Variants in TENM2 observed in about 807,000 individuals in gnomAD.
TENM2 encodes the protein teneurin-2.
A neutral mutation model predicts 245.2 loss-of-function variants in TENM2; 52 were observed. That is an observed-to-expected ratio of 0.21 (90% CI 0.17 to 0.27). TENM2 has a LOEUF of 0.27. Among genes scored for constraint, TENM2 ranks in the 10% least tolerant of loss-of-function variants. The pLI, the probability that TENM2 is intolerant of heterozygous loss-of-function variation, is 1.00. For synonymous variants in TENM2, 1,363 were observed against 1,438.9 expected, an observed-to-expected ratio of 0.95 and a Z score of 1.19; for missense variants, 3,046 against 3,666.8, an observed-to-expected ratio of 0.83 and a Z score of 4.37.
intron 2 of TENM2, among the ~76,000 whole-genome samples, chr5:167,736,664 C>T (rs922637489): frequency 1.1e-4 from 17 of 149,374 alleles, no homozygotes; most frequent in Non-Finnish European, 1.9e-4. Context: ...CACCTAGGAC[C>T]TCCACAGAAG....
the TENM2 span, among the ~76,000 whole-genome samples, chr5:167,179,444 A>G: frequency 5.4e-4 from 82 of 152,290 alleles, no homozygotes; most frequent in Non-Finnish European, 7.8e-4. Flanking sequence ...TAAGTAATTT[A>G]TCAGCTACAT....
chr5:166,991,736 A>G, the TENM2 span, among the ~76,000 whole-genome samples: 1 of 152,212 alleles, frequency 6.6e-6, no homozygotes, highest in African/African-American at 2.4e-5. Flanking sequence ...TAAATTTTGC[A>G]TCTGATACAC....
intron 2 of TENM2, among the ~76,000 whole-genome samples, chr5:167,583,473 T>TACACACAC (rs10682735): frequency 0.14 from 19,034 of 137,300 alleles, 1,391 homozygotes; most frequent in Middle Eastern, 0.26. Context: ...TGAGTATATG[T>TACACACAC]ACACACACAC....
intron 13 of TENM2, among the ~76,000 whole-genome samples, chr5:168,170,848 A>T (rs924032888): frequency 2.6e-5 from 4 of 152,230 alleles, no homozygotes; most frequent in Non-Finnish European, 5.9e-5. Flanking sequence ...AAATCTCATC[A>T]TTCCATGTTC....
chr5:168,013,522 G>A (rs1348579914), intron 5 of TENM2, among the ~76,000 whole-genome samples: 1 of 152,084 alleles, frequency 6.6e-6, no homozygotes, highest in Non-Finnish European at 1.5e-5. Context: ...GAGAATCACT[G>A]GAACCCAGTA....
chr5:168,047,431 G>A (rs989877590), exon 6 of TENM2: 1 of 1,551,584 alleles, frequency 6.4e-7, no homozygotes, highest in African/African-American at 1.4e-5. Context: ...CTGCAGCAAT[G>A]CATCTGCTCG....
At chr5:167,832,606 T>A (rs1189847958) in intron 2 of TENM2, among the ~76,000 whole-genome samples, 1 of 151,490 alleles carries the variant, frequency 6.6e-6, no homozygotes, top group East Asian at 1.9e-4. Flanking sequence ...GAGGCAGGGA[T>A]GGATGGATAG....
chr5:167,429,938 G>A (rs2127440271), intron 2 of TENM2, among the ~76,000 whole-genome samples: 1 of 152,186 alleles, frequency 6.6e-6, no homozygotes, highest in East Asian at 1.9e-4. Context: ...TTACAAAAAG[G>A]AGATAGCCAC....
intron 2 of TENM2, chr5:167,573,909 G>GA (rs1055377596): frequency 8.1e-5 from 12 of 147,758 alleles, no homozygotes; most frequent in East Asian, 6.3e-4. Flanking sequence ...AAAAAAGAAA[G>GA]AAAAAAAAAG....
At chr5:167,304,909 CA>C (rs1755578596) in intron 1 of TENM2, among the ~76,000 whole-genome samples, 1 of 152,148 alleles carries the variant, frequency 6.6e-6, no homozygotes, top group African/African-American at 2.4e-5. Context: ...CCTTGAAAGA[CA>C]GTGCCTCACT....
At chr5:167,764,055 G>A (rs908295504) in intron 2 of TENM2, among the ~76,000 whole-genome samples, 1 of 152,038 alleles carries the variant, frequency 6.6e-6, no homozygotes, top group African/African-American at 2.4e-5. Context: ...TGGCTTCTTA[G>A]CGTAGGCATC....
At chr5:167,888,733 A>C (rs1407513516) in intron 3 of TENM2, among the ~76,000 whole-genome samples, 1 of 152,200 alleles carries the variant, frequency 6.6e-6, no homozygotes, top group East Asian at 1.9e-4. Context: ...TGATTCCCCC[A>C]GGGCCAATAC....
chr5:167,834,298 A>C (rs1156442948), intron 2 of TENM2, among the ~76,000 whole-genome samples: 1 of 152,166 alleles, frequency 6.6e-6, no homozygotes, highest in African/African-American at 2.4e-5. Context: ...TTACTACAAA[A>C]AGTAGGTCCT....
intron 2 of TENM2, among the ~76,000 whole-genome samples, chr5:167,649,183 C>A (rs904170916): frequency 6.6e-6 from 1 of 152,052 alleles, no homozygotes; most frequent in African/African-American, 2.4e-5. Flanking sequence ...CTGAGCAACA[C>A]CTGAGTAGTG....
chr5:167,913,912 C>T (rs890442367), intron 3 of TENM2, among the ~76,000 whole-genome samples: 3 of 152,168 alleles, frequency 2.0e-5, no homozygotes, highest in Admixed American at 6.6e-5. Flanking sequence ...AAGGTTGTTG[C>T]GAGGATTAGA....
chr5:167,606,364 G>T (rs1218254790), intron 2 of TENM2, among the ~76,000 whole-genome samples: 4 of 152,060 alleles, frequency 2.6e-5, no homozygotes, highest in Admixed American at 1.3e-4. Flanking sequence ...TGGCAAGGAA[G>T]CTGGGGGAGA....
chr5:167,739,463 C>G (rs35325704), intron 2 of TENM2, among the ~76,000 whole-genome samples: 31,485 of 151,988 alleles, frequency 0.21, 4,136 homozygotes, highest in African/African-American at 0.37. Context: ...TTCCAGTTAC[C>G]TGTAAGCCAG....
intron 2 of TENM2, among the ~76,000 whole-genome samples, chr5:167,782,313 CAAAAAA>C (rs767675565): frequency 3.5e-3 from 203 of 58,748 alleles, no homozygotes; most frequent in Middle Eastern, 0.021. Flanking sequence ...AACTCTGTCT[CAAAAAA>C]AAAAAAAAAA....
the TENM2 span, among the ~76,000 whole-genome samples, chr5:167,191,105 T>C: frequency 6.6e-6 from 1 of 152,004 alleles, no homozygotes; most frequent in Non-Finnish European, 1.5e-5. Context: ...TATATATTCA[T>C]GCCTGTCAGG....
Sources: gnomAD v4.1 joint callset for allele counts (sites outside exome capture counted in the v4.1 genomes callset) on GRCh38, gnomAD v4.1.1 for gene constraint, MANE v1.5 for transcripts, NCBI Gene and HGNC (gene_info 2026-07-23, HGNC 2026-07-21) for gene names.